The following LOX variants were observed in gnomAD, a reference collection of about 807,000 sequenced individuals.
LOX encodes protein-lysine 6-oxidase.
In LOX, 12 loss-of-function variants were observed where a neutral mutation model predicts 50.5. The observed-to-expected ratio is 0.24, with a 90% CI of 0.15 to 0.38. LOX has a LOEUF of 0.38. LOX is among the 10% of genes least tolerant of loss of function. The pLI is 1.00. For synonymous variants in LOX, 254 were observed against 230.6 expected, an observed-to-expected ratio of 1.10 and a Z score of -0.92; for missense variants, 504 against 563.8, an observed-to-expected ratio of 0.89 and a Z score of 1.07.
intron 2 of LOX, 89 bp downstream of exon 2, chr5:122,076,804 T>A: frequency 8.8e-7 from 1 of 1,138,974 alleles, no homozygotes; most frequent in Non-Finnish European, 1.3e-6. Flanking sequence ...AACACTTGTC[T>A]GCGCGAAGCA....
At chr5:122,075,796 A>T (rs1754608560) in intron 2 of LOX, among the ~76,000 whole-genome samples, 1 of 152,198 alleles carries the variant, frequency 6.6e-6, no homozygotes. Flanking sequence ...AAATCCACAG[A>T]TCTTAACAGT....
In LOX at chr5:122,064,717, TC is replaced by T. The variant is rs1754252965; in HGVS notation, c.*2025del. 6.6e-6 allele frequency: 1 copy of T among 151,990 alleles called. No homozygotes were observed. The highest frequency in any genetic ancestry group is 2.4e-5 in the African/African-American group (1 of 41,422). The allele number at this position is 151,990 out of a possible 1,614,324, so 9.4% of individuals were successfully genotyped here. A position where few individuals can be genotyped will look rare whatever the true frequency, so the allele number is the denominator to read the frequency against. ...TAATACTTATTGAGGTTATAGACAG[TC>T]TTTTTTATGTCTCAATGCATACCAT... is the stretch of plus-strand genomic sequence containing the variant. On this transcript the variant is annotated 3_prime_UTR_variant, in exon 7 of 7. Transcript: ENST00000231004.
intron 4 of LOX, among the ~76,000 whole-genome samples, chr5:122,071,402 C>T (rs926949216): frequency 1.3e-5 from 2 of 152,090 alleles, no homozygotes; most frequent in Admixed American, 6.5e-5. Context: ...CCCCACTATA[C>T]TCTCTCTCAT....
Position 122,077,711 on chromosome 5 carries a change from A to G in LOX, c.275T>C (p.Leu92Pro), listed in dbSNP as rs1163589380. The G allele has an allele frequency of 1.3e-6, 2 of 1,590,758 alleles. No homozygotes were observed. Among genetic ancestry groups the G allele is most frequent in the East Asian group, 2.3e-5 (1 of 44,104 alleles). ...GGCGGTGCGGTTGTCGCGGATCAGC[A>G]GGATCGGAGTGCGGGGCTGCTGGGC... ...ASAQQPRTPI[L>P]LIRDNRTAAA... The change falls in exon 1 of 7, where the codon CTG becomes CCG. Residue 92 changes from leucine (L) to proline (P), a missense_variant. Coordinates refer to ENST00000231004, the MANE Select transcript of LOX (RefSeq NM_002317.7). The surrounding 1 kb of genome is among the most constrained non-coding windows in gnomAD (Gnocchi z 4.9).
At chr5:122,071,124 T>C (rs1421672422) in intron 4 of LOX, among the ~76,000 whole-genome samples, 1 of 152,074 alleles carries the variant, frequency 6.6e-6, no homozygotes, top group African/African-American at 2.4e-5. Context: ...AGGGTAGAGT[T>C]TACGTTGTAT....
At chr5:122,073,923 C>T (rs1343021193) in intron 4 of LOX, 90 bp downstream of exon 4, 6 of 1,214,694 alleles carry the variant, frequency 4.9e-6, no homozygotes, top group East Asian at 2.4e-5. Context: ...TGTGTGTGCT[C>T]TTCATGAAAT....
chr5:122,076,238 T>C (rs1409873791), intron 2 of LOX, among the ~76,000 whole-genome samples: 4 of 152,222 alleles, frequency 2.6e-5, no homozygotes, highest in African/African-American at 9.6e-5. Context: ...TTAGTGTGTC[T>C]ATATGTTCAG....
Position 122,077,122 on chromosome 5 carries a change from G to A in LOX, c.632-121C>T, listed in dbSNP as rs1580567262. Reference sequence around the variant, plus strand: ...GCCCACCGGGACTGCAGAGTGGAGCGGAGGACAGCAAGAGAACTGGGGACG... The same window carrying A: ...GCCCACCGGGACTGCAGAGTGGAGCAGAGGACAGCAAGAGAACTGGGGACG... On this transcript the variant is annotated intron_variant, in intron 1 of 6. Coordinates refer to ENST00000231004, the MANE Select transcript of LOX (RefSeq NM_002317.7). The surrounding 1 kb of genome is among the most constrained non-coding windows in gnomAD (Gnocchi z 4.9). 1.3e-6 allele frequency: 2 copies of A among 1,490,610 alleles called. No homozygotes were observed. The highest frequency in any genetic ancestry group is 2.4e-5 in the East Asian group (1 of 41,808). The allele number at this position is 1,490,610 out of a possible 1,614,324, so 92.3% of individuals were successfully genotyped here.
Position 122,077,411 on chromosome 5 carries a change from C to A in LOX, c.575G>T (p.Arg192Met), listed in dbSNP as rs1754669703. 1 of 1,614,010 alleles carries A rather than the reference C, an allele frequency of 6.2e-7. No homozygotes were observed. The highest frequency in any genetic ancestry group is 8.5e-7 in the Non-Finnish European group (1 of 1,180,016). Residue 192 changes from arginine to methionine, a missense_variant, in exon 1 of 7, where the codon AGG (arginine) becomes ATG (methionine). Arg to Met is a moderately conservative substitution (Grantham distance 91). Transcript: ENST00000231004. This position sits in a 1 kb window ranked among gnomAD's most constrained non-coding sequence, Gnocchi z 4.9. ...PYYNYYDTYE[R>M]PRPGGRYRPG... is the part of the protein sequence containing the mutation. ...CCGGTACCTGCCCCCAGGTCTGGGC[C>A]TTTCATAAGTATCGTAGTAGTTGTA...
rs1279304020 is a variant in LOX, at chr5:122,076,040, G to T, written c.741-499C>A. ...TACCCAGATTTAAATTAATAATTTT[G>T]TAACTTCACTATCCCAAAACAATGG... On this transcript the variant is annotated intron_variant, in intron 2 of 6. Transcript: ENST00000231004. The T allele has an allele frequency of 2.0e-5, 3 of 152,226 alleles. No individual in the cohort carries two copies. In the East Asian group the frequency reaches 5.8e-4, roughly 29 times the overall value. The allele number at this position is 152,226 out of a possible 1,614,324, so 9.4% of individuals were successfully genotyped here. A position where few individuals can be genotyped will look rare whatever the true frequency, so the allele number is the denominator to read the frequency against.
intron 4 of LOX, among the ~76,000 whole-genome samples, chr5:122,073,702 G>T (rs1300352660): frequency 6.6e-6 from 1 of 152,154 alleles, no homozygotes; most frequent in African/African-American, 2.4e-5. Flanking sequence ...ATCATGAATA[G>T]GGGCCACATG....
At chr5:122,070,941 C>G (rs1754432712) in intron 4 of LOX, among the ~76,000 whole-genome samples, 2 of 152,098 alleles carry the variant, frequency 1.3e-5, no homozygotes, top group African/African-American at 4.8e-5. Context: ...GCTCAAATGT[C>G]CTCTTCTCAG....
rs747652187 is a variant in LOX at position 122,077,773 on chromosome 5, G to C, written c.213C>G (p.Asp71Glu). ...CTGCACCAGGGACGGCGGCGCCCGG[G>C]TCCCGGCGGCGCTGAGGCTGGTACT... The part of the protein sequence containing the change: ...GSQYQPQRRR[D>E]PGAAVPGAAN... The change falls in exon 1 of 7, where the codon GAC becomes GAG. Residue 71 changes from aspartate to glutamate, a missense_variant. This residue lies in a region of LOX where 398 missense variants were observed against 365.8 expected (regional missense o/e 1.09). Transcript: ENST00000231004. The surrounding 1 kb of genome is among the most constrained non-coding windows in gnomAD (Gnocchi z 4.9). The C allele has an allele frequency of 1.9e-6, 3 of 1,549,648 alleles. No individual in the cohort carries two copies. Among genetic ancestry groups the C allele is most frequent in the South Asian group, 2.4e-5 (2 of 85,044 alleles).
Position 122,078,083 on chromosome 5 carries a change from C to T in LOX, c.-98G>A. 1.3e-5 allele frequency: 16 copies of T among 1,198,748 alleles called. No homozygotes were observed. Among genetic ancestry groups the T allele is most frequent in the Non-Finnish European group, 1.8e-5 (16 of 912,766 alleles). The allele number at this position is 1,198,748 out of a possible 1,614,324, so 74.3% of individuals were successfully genotyped here. On this transcript the variant is annotated 5_prime_UTR_variant, in exon 1 of 7. Transcript: ENST00000231004. The stretch of plus-strand genomic sequence containing the variant: ...CGTGAGGGAAGGAGAAATCTTCAAC[C>T]AAGGAGGCGAGCGGAGCACGGGTAT...
chr5:122,070,457 C>T (rs1044348063), intron 5 of LOX, 37 bp downstream of exon 5: 1 of 1,126,802 alleles, frequency 8.9e-7, no homozygotes, highest in South Asian at 1.3e-5. Flanking sequence ...TATTGATCTG[C>T]AATATCAATA....
chr5:122,076,782 G>A, intron 2 of LOX, 111 bp downstream of exon 2: 1 of 868,554 alleles, frequency 1.2e-6, no homozygotes, highest in Non-Finnish European at 1.8e-6. Context: ...CCCAGCTCTT[G>A]TCCCACTTCC....
chr5:122,078,043 A>G lies in LOX; in HGVS notation c.-58T>C. The G allele has an allele frequency of 7.1e-7, 1 of 1,406,714 alleles. No individual in the cohort carries two copies. The highest frequency in any genetic ancestry group is 2.8e-5 in the East Asian group (1 of 36,356). The allele number at this position is 1,406,714 out of a possible 1,614,324, so 87.1% of individuals were successfully genotyped here. On this transcript the variant is annotated 5_prime_UTR_variant, in exon 1 of 7. Transcript: ENST00000231004. Reference sequence around the variant, plus strand: ...AGGACGTGGCTCACAGAAAATAAAAACGGGGCTCAAATCACGTGAGGGAAG... The same window carrying G: ...AGGACGTGGCTCACAGAAAATAAAAGCGGGGCTCAAATCACGTGAGGGAAG...
chr5:122,076,976 G>A lies in LOX; in HGVS notation c.657C>T (p.Pro219=). ...CGTACGTGGACGCCTGGATGTAGTA[G>A]GGGTCGGCCACCAGGTCTGGGAGAC... ...QYGLPDLVAD[P]YYIQASTYVQ... is the part of the protein sequence containing the mutation. The change falls in exon 2 of 7, where the codon CCC becomes CCT. Residue 219 remains proline, a synonymous_variant. Coordinates refer to ENST00000231004, the MANE Select transcript of LOX (RefSeq NM_002317.7). 1.9e-6 allele frequency: 3 copies of A among 1,613,820 alleles called. No individual in the cohort carries two copies. Among genetic ancestry groups the A allele is most frequent in the Middle Eastern group, 1.6e-4 (1 of 6,062 alleles).
chr5:122,076,204 A>T (rs1754625816), intron 2 of LOX: 1 of 152,216 alleles, frequency 6.6e-6, no homozygotes, highest in African/African-American at 2.4e-5. Context: ...ACAAATAAAC[A>T]TCACTGTGTT....
Sources: allele counts gnomAD v4.1 joint callset (sites outside exome capture counted in the v4.1 genomes callset), GRCh38; gene constraint gnomAD v4.1.1; regional missense constraint gnomAD v4.1.1; non-coding constraint Gnocchi (gnomAD v3.1); transcripts MANE v1.5; gene names NCBI Gene and HGNC (gene_info 2026-07-23, HGNC 2026-07-21).